GRIP1: variants seen among roughly 807,000 people sequenced by gnomAD.
GRIP1 encodes glutamate receptor interacting protein 1, also known as glutamate receptor-interacting protein 1.
In GRIP1, 45 loss-of-function variants were observed where a neutral mutation model predicts 129.9. The ratio of observed to expected loss-of-function variants is 0.35; its 90% CI spans 0.27 to 0.44. GRIP1 has a LOEUF of 0.44. GRIP1 is among the 20% of genes least tolerant of loss of function. The pLI is 1.00. For missense variants in GRIP1, 1,196 were observed against 1,396.8 expected (o/e 0.86, Z 2.29); for synonymous variants, 530 against 520.8 (o/e 1.02, Z -0.24).
In GRIP1 at chr12:66,723,283, CCTTTCTTTCTTT is replaced by C. The variant is rs1313105304; in HGVS notation, c.-420+80758_-420+80769del. ...TCCTTCCTTCCTTCCTTCCTTCCTT[CCTTTCTTTCTTT>C]CTTTCTTTCTTTTTTTTTTTTTTTT... On this transcript the variant is annotated intron_variant, in intron 1 of 4. Coordinates refer to the GRIP1 transcript ENST00000538373. Among the ~76,000 whole-genome samples, 5 of 29,634 alleles carry C rather than the reference CCTTTCTTTCTTT, an allele frequency of 1.7e-4. 1 individual carries two copies. In the East Asian group the frequency reaches 5.3e-3, roughly 31 times the overall value. The allele number at this position is 29,634 out of a possible 152,430, so 19.4% of individuals were successfully genotyped here.
At chr12:66,545,191 G>C (rs1592523915) in intron 2 of GRIP1, among the ~76,000 whole-genome samples, 1 of 152,126 alleles carries the variant, frequency 6.6e-6, no homozygotes, top group East Asian at 1.9e-4. Context: ...AATGGTATAG[G>C]TTTACAGCTA....
In GRIP1 at chr12:67,054,079, C is replaced by T. The variant is rs545907510; in HGVS notation, c.58+14971G>A. 5.3e-5 allele frequency among the ~76,000 whole-genome samples: 8 copies of T among 152,290 alleles called. No homozygotes were observed. The East Asian group carries it at 1.5e-3, about 29-fold the overall frequency. On this transcript the variant is annotated intron_variant, in intron 1 of 1. Transcript: ENST00000643019. ...TTTATTTAGGTCCCCAATTCTTCTT[C>T]ATCCACAATGGGAAGACCAGGCAAG... is the stretch of plus-strand genomic sequence containing the variant.
At chr12:66,780,041 T>C (rs2038105620) in intron 1 of GRIP1, among the ~76,000 whole-genome samples, 1 of 152,032 alleles carries the variant, frequency 6.6e-6, no homozygotes, top group Admixed American at 6.6e-5. Flanking sequence ...TCATTTGGGG[T>C]GTACTTGGGT....
intron 1 of GRIP1, among the ~76,000 whole-genome samples, chr12:67,011,947 C>G (rs2042714658): frequency 6.6e-6 from 1 of 152,116 alleles, no homozygotes; most frequent in Admixed American, 6.6e-5. Context: ...CAAAAACAGA[C>G]AGTGAGCTGG....
At chr12:66,630,491 A>G (rs1416537532) in intron 1 of GRIP1, among the ~76,000 whole-genome samples, 1 of 149,656 alleles carries the variant, frequency 6.7e-6, no homozygotes, top group African/African-American at 2.5e-5. Context: ...GATTTGTATA[A>G]AAATTTTTTT....
At chr12:66,939,326 G>A (rs923865392) in intron 1 of GRIP1, among the ~76,000 whole-genome samples, 5 of 150,346 alleles carry the variant, frequency 3.3e-5, no homozygotes, top group Non-Finnish European at 7.4e-5. Context: ...TAACCTGGGC[G>A]ACAGAGCAAG....
intron 1 of GRIP1, among the ~76,000 whole-genome samples, chr12:66,980,814 C>A (rs1199809844): frequency 2.0e-5 from 3 of 152,148 alleles, no homozygotes; most frequent in Non-Finnish European, 4.4e-5. Flanking sequence ...ATTACAAATC[C>A]ACACTGGATG....
chr12:66,992,195 T>C (rs2042403530), intron 1 of GRIP1, among the ~76,000 whole-genome samples: 1 of 152,166 alleles, frequency 6.6e-6, no homozygotes, highest in Non-Finnish European at 1.5e-5. Context: ...AATTTGTGAA[T>C]CTCCTCTAAA....
chr12:66,536,804 G>A (rs2061618411), intron 4 of GRIP1, among the ~76,000 whole-genome samples: 1 of 152,162 alleles, frequency 6.6e-6, no homozygotes. Context: ...AGTACATAGT[G>A]GTGGCTGGAA....
At chr12:66,617,083 TTTTG>T (rs1208359448) in intron 1 of GRIP1, among the ~76,000 whole-genome samples, 21 of 51,152 alleles carry the variant, frequency 4.1e-4, no homozygotes, top group African/African-American at 1.2e-3. Flanking sequence ...GCAACAGACG[TTTTG>T]TGTGTGTGTG....
At chr12:66,395,844 T>C (rs1294276769) in intron 16 of GRIP1, among the ~76,000 whole-genome samples, 1 of 152,204 alleles carries the variant, frequency 6.6e-6, no homozygotes, top group Non-Finnish European at 1.5e-5. Context: ...ACAAGTTTCT[T>C]CTGGGCTGAT....
intron 16 of GRIP1, among the ~76,000 whole-genome samples, chr12:66,402,385 C>T (rs1185095001): frequency 5.3e-5 from 8 of 152,144 alleles, no homozygotes; most frequent in Non-Finnish European, 7.3e-5. Flanking sequence ...AGACAATAAA[C>T]GAATGCTGAT....
chr12:66,407,836 G>A (rs35224425), intron 15 of GRIP1, among the ~76,000 whole-genome samples: 1 of 152,142 alleles, frequency 6.6e-6, no homozygotes, highest in South Asian at 2.1e-4. Flanking sequence ...GACTTGGGGG[G>A]CATGTGACCT....
chr12:66,424,162 C>A (rs2057904115), intron 14 of GRIP1, among the ~76,000 whole-genome samples: 1 of 152,162 alleles, frequency 6.6e-6, no homozygotes, highest in African/African-American at 2.4e-5. Flanking sequence ...CTTCTGCAAT[C>A]CAGCAAGGCG....
At chr12:66,721,090 T>C (rs1399936417) in intron 1 of GRIP1, among the ~76,000 whole-genome samples, 1 of 152,194 alleles carries the variant, frequency 6.6e-6, no homozygotes, top group East Asian at 1.9e-4. Flanking sequence ...ATGGATGTTG[T>C]GTTAGCAGGC....
chr12:66,353,709 C>A, intron 23 of GRIP1, 146 bp from the exon 24 acceptor site: 1 of 767,216 alleles, frequency 1.3e-6, no homozygotes, highest in Non-Finnish European at 2.3e-6. Flanking sequence ...ACCAATCCTG[C>A]AGCCTTTTTT....
chr12:66,709,122 G>T (rs2035631331), intron 1 of GRIP1, among the ~76,000 whole-genome samples: 1 of 151,768 alleles, frequency 6.6e-6, no homozygotes, highest in Admixed American at 6.6e-5. Flanking sequence ...TCAAAATAAG[G>T]CATTTTGAAA....
intron 24 of GRIP1, 38 bp downstream of exon 24, chr12:66,353,379 T>C: frequency 6.7e-7 from 1 of 1,489,036 alleles, no homozygotes; most frequent in Non-Finnish European, 9.4e-7. Context: ...CAGTGAGAAA[T>C]TACTTGCAAG....
chr12:66,548,047 C>T (rs1395549158), intron 2 of GRIP1, among the ~76,000 whole-genome samples: 15 of 152,076 alleles, frequency 9.9e-5, no homozygotes, highest in Non-Finnish European at 1.0e-4. Context: ...GTCTGGAGTA[C>T]GCCTAGGCAT....
Sources: gnomAD v4.1 joint callset for allele counts (sites outside exome capture counted in the v4.1 genomes callset) on GRCh38, gnomAD v4.1.1 for gene constraint, MANE v1.5 for transcripts, NCBI Gene and HGNC (gene_info 2026-07-23, HGNC 2026-07-21) for gene names.